Variants in ATP1A3 observed in about 807,000 individuals in gnomAD.
The protein encoded by ATP1A3 is sodium/potassium-transporting ATPase subunit alpha-3.
Under a neutral mutation model 108.8 loss-of-function variants are expected in ATP1A3, and 12 were observed. The observed-to-expected ratio is 0.11, with a 90% CI of 0.07 to 0.18. The LOEUF (loss-of-function observed/expected upper bound fraction) is 0.18. ATP1A3 is among the 10% of genes least tolerant of loss of function. ATP1A3 has a pLI of 1.00. For missense variants in ATP1A3, 498 were observed against 1,387.7 expected (o/e 0.36, Z 10.19); for synonymous variants, 539 against 564.5 (o/e 0.95, Z 0.64).
chr19:41,973,005 C>T (rs1301091874), intron 16 of ATP1A3, among the ~76,000 whole-genome samples: 1 of 152,136 alleles, frequency 6.6e-6, no homozygotes, highest in East Asian at 1.9e-4. Context: ...CTGGGCCGCT[C>T]CCACCTGATA....
chr19:41,989,137 A>G (rs994980693), intron 1 of ATP1A3, among the ~76,000 whole-genome samples: 1 of 149,372 alleles, frequency 6.7e-6, no homozygotes, highest in Non-Finnish European at 1.5e-5. Context: ...ATGGGGTCTC[A>G]CTACACTGCC....
At chr19:41,972,034 G>A (rs1428756540) in intron 16 of ATP1A3, among the ~76,000 whole-genome samples, 1 of 152,106 alleles carries the variant, frequency 6.6e-6, no homozygotes, top group Non-Finnish European at 1.5e-5. Flanking sequence ...AGGATTGCCT[G>A]AGATCAAGAG....
chr19:41,972,330 G>A (rs187828960), intron 16 of ATP1A3, among the ~76,000 whole-genome samples: 5 of 152,316 alleles, frequency 3.3e-5, no homozygotes, highest in Non-Finnish European at 7.3e-5. Context: ...GGGAGGCTGA[G>A]GTGGGAGGAT....
At chr19:41,989,641 T>A (rs2075318193) in intron 1 of ATP1A3, among the ~76,000 whole-genome samples, 1 of 152,286 alleles carries the variant, frequency 6.6e-6, no homozygotes, top group Non-Finnish European at 1.5e-5. Context: ...TTTCTATGTC[T>A]CCACGTGTAT....
rs547312576 is a variant in ATP1A3, at chr19:41,974,567, G to A, written c.2263+1062C>T. 7.2e-5 allele frequency among the ~76,000 whole-genome samples: 11 copies of A among 152,312 alleles called. No individual in the cohort carries two copies. In the East Asian group the frequency reaches 7.7e-4, roughly 11 times the overall value. ...CTGTTACTCTGGGCTCGGCTTTGCCGTTTGAATTCTCTTTTACCATGAACT... is the reference window on the plus strand; with the variant it reads ...CTGTTACTCTGGGCTCGGCTTTGCCATTTGAATTCTCTTTTACCATGAACT... On this transcript the variant is annotated intron_variant, in intron 16 of 22. Coordinates refer to ENST00000648268, the MANE Select transcript of ATP1A3 (RefSeq NM_152296.5).
Position 41,988,519 on chromosome 19 carries a change from T to C in ATP1A3, c.50A>G (p.Lys17Arg), listed in dbSNP as rs1555866312. ...DKDSPKKNKGKERRDLDDLKK... is the reference protein window; with the variant it reads ...DKDSPKKNKGRERRDLDDLKK... ...GAGGTCATCCAGGTCCCGGCGCTCC[T>C]TGCCCTTGTTCTTCTTGGGTGAGTC... The change falls in exon 2 of 23, where the codon AAG becomes AGG. Residue 17 changes from lysine to arginine, a missense_variant. Lys to Arg is a conservative substitution (Grantham distance 26). Transcript: ENST00000648268. This position sits in a 1 kb window ranked among gnomAD's most constrained non-coding sequence, Gnocchi z 5.3. 5.0e-6 allele frequency: 8 copies of C among 1,614,202 alleles called. No homozygotes were observed. The highest frequency in any genetic ancestry group is 6.8e-6 in the Non-Finnish European group (8 of 1,180,042).
intron 8 of ATP1A3, among the ~76,000 whole-genome samples, chr19:41,983,637 C>T (rs564123447): frequency 6.3e-4 from 93 of 147,644 alleles, no homozygotes; most frequent in African/African-American, 2.2e-3. Context: ...GAGATGGAGT[C>T]TCCCTCTGTC....
intron 15 of ATP1A3, among the ~76,000 whole-genome samples, 178 bp downstream of exon 15, chr19:41,976,238 G>A (rs1213090061): frequency 7.1e-6 from 1 of 139,978 alleles, no homozygotes; most frequent in Admixed American, 7.2e-5. Context: ...AAGGGTCCAG[G>A]TCCCCAGCCC....
chr19:41,981,463 C>T lies in ATP1A3; in HGVS notation c.1437+39G>A. Reference sequence around the variant, plus strand: ...CCTCTTTACAGGCGTCATAAGGAACCTGAGGTCCAGGCTGGCTCTCCCGGA... The same window carrying T: ...CCTCTTTACAGGCGTCATAAGGAACTTGAGGTCCAGGCTGGCTCTCCCGGA... On this transcript the variant is annotated intron_variant, in intron 11 of 22. Coordinates refer to ENST00000648268, the MANE Select transcript of ATP1A3 (RefSeq NM_152296.5). The surrounding 1 kb of genome is among the most constrained non-coding windows in gnomAD (Gnocchi z 5.0). The T allele has an allele frequency of 1.2e-6, 2 of 1,614,114 alleles. No homozygotes were observed. The highest frequency in any genetic ancestry group is 1.7e-6 in the Non-Finnish European group (2 of 1,180,022).
At chr19:41,976,863 G>C (rs2075176621) in intron 14 of ATP1A3, among the ~76,000 whole-genome samples, 1 of 151,988 alleles carries the variant, frequency 6.6e-6, no homozygotes, top group African/African-American at 2.4e-5. Flanking sequence ...GGAGTGCAGT[G>C]GCGCAATCTC....
Position 41,981,796 on chromosome 19 carries a change from C to G in ATP1A3, c.1228G>C (p.Ala410Pro). 6.2e-7 allele frequency: 1 copy of G among 1,614,220 alleles called. No homozygotes were observed. ...CAGAGCCCAGCGATGTGAGACAGGG[C>G]CACCCAGGTGTGCGAACTCTTGTCA... Reference protein sequence around the residue: ...SFDKSSHTWVALSHIAGLCNR... With the variant: ...SFDKSSHTWVPLSHIAGLCNR... Residue 410 changes from alanine to proline, a missense_variant, in exon 10 of 23, where the codon GCC becomes CCC. Coordinates refer to ENST00000648268, the MANE Select transcript of ATP1A3 (RefSeq NM_152296.5). The surrounding 1 kb of genome is among the most constrained non-coding windows in gnomAD (Gnocchi z 5.0).
In ATP1A3 at chr19:41,985,297, C is replaced by T. The variant is rs1555864994; in HGVS notation, c.724+9G>A. On this transcript the variant is annotated intron_variant, in intron 7 of 22. Coordinates refer to ENST00000648268, the MANE Select transcript of ATP1A3 (RefSeq NM_152296.5). The surrounding 1 kb of genome is among the most constrained non-coding windows in gnomAD (Gnocchi z 8.2). ...CCCCAGCTGTGTGTCTTCTCTGCAC[C>T]CGCCTCACCTTCCACACAGTTGGTG... 5.0e-6 allele frequency: 8 copies of T among 1,613,860 alleles called. No individual in the cohort carries two copies. In the Admixed American group the frequency reaches 8.3e-5, roughly 17 times the overall value.
rs1272953005 is a variant in ATP1A3, at chr19:41,994,190, G to A, written c.-114C>T. 8.7e-6 allele frequency: 9 copies of A among 1,031,906 alleles called. No homozygotes were observed. Among genetic ancestry groups the A allele is most frequent in the African/African-American group, 3.4e-5 (2 of 58,932 alleles). The allele number at this position is 1,031,906 out of a possible 1,614,324, so 63.9% of individuals were successfully genotyped here. The stretch of plus-strand genomic sequence containing the variant: ...AGCGCCCGCGCCTCGGTAGGTGCGC[G>A]CGTCCGTCCGTCCGTCCGTTGGTCC... On this transcript the variant is annotated 5_prime_UTR_variant, in exon 1 of 23. Coordinates refer to ENST00000648268, the MANE Select transcript of ATP1A3 (RefSeq NM_152296.5).
Position 41,985,506 on chromosome 19 carries a change from C to G in ATP1A3, c.607-83G>C, listed in dbSNP as rs562255004. 3.5e-5 allele frequency: 47 copies of G among 1,338,412 alleles called. No individual in the cohort carries two copies. In the African/African-American group the frequency reaches 6.6e-4, roughly 19 times the overall value. The allele number at this position is 1,338,412 out of a possible 1,614,324, so 82.9% of individuals were successfully genotyped here. A position where few individuals can be genotyped will look rare whatever the true frequency, so the allele number is the denominator to read the frequency against. On this transcript the variant is annotated intron_variant, in intron 6 of 22. Transcript: ENST00000648268. The surrounding 1 kb of genome is among the most constrained non-coding windows in gnomAD (Gnocchi z 8.2). ...TTGTGTACAGGGCTTGGGGCTGAAG[C>G]CTGTGTGCCTGGAGATCACAGCTAG...
Position 41,978,390 on chromosome 19 carries a change from A to G in ATP1A3, c.1631-64T>C, listed in dbSNP as rs573067913. The G allele has an allele frequency of 1.1e-5, 17 of 1,541,804 alleles. No homozygotes were observed. Among genetic ancestry groups the G allele is most frequent in the Middle Eastern group, 1.7e-4 (1 of 5,762 alleles). On this transcript the variant is annotated intron_variant, in intron 12 of 22. Transcript: ENST00000648268. This position sits in a 1 kb window ranked among gnomAD's most constrained non-coding sequence, Gnocchi z 8.3. ...CTCGGAACCTCCGCCCCATGCCCCT[A>G]GATGTCTGCATCGCCCGCATTCCAT...
At chr19:41,976,191 C>T (rs1417533066) in intron 15 of ATP1A3, among the ~76,000 whole-genome samples, 2 of 144,700 alleles carry the variant, frequency 1.4e-5, no homozygotes, top group African/African-American at 5.2e-5. Flanking sequence ...CCCCTCTTCC[C>T]TCATACCCAG....
chr19:41,979,540 C>T (rs1429997061), intron 11 of ATP1A3, among the ~76,000 whole-genome samples: 1 of 152,152 alleles, frequency 6.6e-6, no homozygotes, highest in East Asian at 1.9e-4. Context: ...CTCCTGAGTT[C>T]AAGCGATCCT....
At chr19:41,972,744 A>G (rs2075122236) in intron 16 of ATP1A3, among the ~76,000 whole-genome samples, 1 of 148,912 alleles carries the variant, frequency 6.7e-6, no homozygotes, top group Non-Finnish European at 1.5e-5. Flanking sequence ...CAGCCTGGCA[A>G]CAGAGCAAGA....
chr19:41,985,730 TG>T lies in ATP1A3; in HGVS notation c.606+133del. On this transcript the variant is annotated intron_variant, in intron 6 of 22. Coordinates refer to ENST00000648268, the MANE Select transcript of ATP1A3 (RefSeq NM_152296.5). This position sits in a 1 kb window ranked among gnomAD's most constrained non-coding sequence, Gnocchi z 8.2. ...CTCCTGGGTCTGAGGGAGGAGGGCC[TG>T]GGGGCCTGGACTCCTGGGTCTGAGG... 1.5e-6 allele frequency: 2 copies of T among 1,366,162 alleles called. No homozygotes were observed. Among genetic ancestry groups the T allele is most frequent in the Non-Finnish European group, 2.0e-6 (2 of 1,011,128 alleles). 84.6% of individuals were successfully genotyped at this position (1,366,162 alleles called of 1,614,324 possible). A position where few individuals can be genotyped will look rare whatever the true frequency, so the allele number is the denominator to read the frequency against.
Sources: allele counts gnomAD v4.1 joint callset (sites outside exome capture counted in the v4.1 genomes callset), GRCh38; gene constraint gnomAD v4.1.1; non-coding constraint Gnocchi (gnomAD v3.1); transcripts MANE v1.5; gene names NCBI Gene and HGNC (gene_info 2026-07-23, HGNC 2026-07-21).